RANBP2: variants seen among roughly 807,000 people sequenced by gnomAD.
RANBP2 encodes the protein E3 SUMO-protein ligase RanBP2.
RANBP2 carries 57 observed loss-of-function variants against 303.6 expected under a neutral mutation model. The ratio of observed to expected loss-of-function variants is 0.19; its 90% CI spans 0.15 to 0.23. The LOEUF (loss-of-function observed/expected upper bound fraction) is 0.23. Among genes scored for constraint, RANBP2 ranks in the 10% least tolerant of loss-of-function variants. The probability of loss-of-function intolerance (pLI) is 1.00; values close to 1 mark genes in which losing one functional copy is unlikely to be tolerated. For missense variants in RANBP2, 3,138 were observed against 3,780.8 expected, an observed-to-expected ratio of 0.83 and a Z score of 4.46; for synonymous variants, 1,167 against 1,301.5, an observed-to-expected ratio of 0.90 and a Z score of 2.23.
chr2:109,034,361 G>A, the RANBP2 span, among the ~76,000 whole-genome samples: 1 of 152,024 alleles, frequency 6.6e-6, no homozygotes. Flanking sequence ...CTATTTATGG[G>A]ACTATTGGGT....
At chr2:109,372,795 G>T in the RANBP2 span, among the ~76,000 whole-genome samples, 8 of 152,134 alleles carry the variant, frequency 5.3e-5, no homozygotes, top group Middle Eastern at 3.2e-3. Context: ...TGTCCCCCCT[G>T]CCTGACACAC....
the RANBP2 span, chr2:109,585,430 G>T: frequency 1.1e-6 from 1 of 934,672 alleles, no homozygotes; most frequent in Non-Finnish European, 1.6e-6. Flanking sequence ...AAAGGCCAGG[G>T]TGCGCATGAA....
At chr2:109,475,947 A>T in the RANBP2 span, among the ~76,000 whole-genome samples, 2 of 152,030 alleles carry the variant, frequency 1.3e-5, no homozygotes, top group Non-Finnish European at 2.9e-5. Flanking sequence ...CCAACCAAAA[A>T]CTTCCTGTGG....
chr2:108,947,603 C>T, the RANBP2 span, among the ~76,000 whole-genome samples: 1 of 152,224 alleles, frequency 6.6e-6, no homozygotes, highest in African/African-American at 2.4e-5. Context: ...AGTCCCAACA[C>T]CAAGTGGAAG....
rs542953538 is a variant in RANBP2 at position 108,765,195 on chromosome 2, C to T, written c.4656C>T (p.Cys1552=). Residue 1552 remains cysteine, a synonymous_variant, in exon 20 of 29, where the codon TGC becomes TGT. Coordinates refer to ENST00000283195, the MANE Select transcript of RANBP2 (RefSeq NM_006267.5). ...AAGGACAGTGGGATTGCAGTTCATGCTTAGTGCGAAATGAAGCAAATGCTA... is the reference window on the plus strand; with the variant it reads ...AAGGACAGTGGGATTGCAGTTCATGTTTAGTGCGAAATGAAGCAAATGCTA... ...KKEGQWDCSS[C]LVRNEANATR... 4.3e-6 allele frequency: 7 copies of T among 1,614,138 alleles called. No homozygotes were observed. In the South Asian group the frequency reaches 7.7e-5, roughly 18 times the overall value.
chr2:109,051,351 C>T, the RANBP2 span, among the ~76,000 whole-genome samples: 1 of 152,136 alleles, frequency 6.6e-6, no homozygotes, highest in Non-Finnish European at 1.5e-5. Flanking sequence ...TGAAGTTTCA[C>T]CCCCTGCCCC....
the RANBP2 span, among the ~76,000 whole-genome samples, chr2:109,733,972 A>G: frequency 6.6e-6 from 1 of 152,010 alleles, no homozygotes; most frequent in South Asian, 2.1e-4. Context: ...TGAGGTCAGG[A>G]GTTCAAGACC....
the RANBP2 span, among the ~76,000 whole-genome samples, chr2:109,540,950 T>C: frequency 1.3e-5 from 2 of 152,248 alleles, no homozygotes; most frequent in Non-Finnish European, 2.9e-5. Flanking sequence ...AGGAAACTTA[T>C]CTAAAAAAAT....
the RANBP2 span, among the ~76,000 whole-genome samples, chr2:109,103,372 T>C: frequency 1.3e-5 from 2 of 152,212 alleles, no homozygotes; most frequent in African/African-American, 4.8e-5. Flanking sequence ...ATTGATGCCT[T>C]ATGTCTCCCT....
chr2:109,469,818 G>A, the RANBP2 span, among the ~76,000 whole-genome samples: 1 of 152,184 alleles, frequency 6.6e-6, no homozygotes, highest in Non-Finnish European at 1.5e-5. Flanking sequence ...AGGTAGATCC[G>A]AATTTTTCCA....
chr2:109,607,894 A>G, the RANBP2 span, among the ~76,000 whole-genome samples: 1 of 152,178 alleles, frequency 6.6e-6, no homozygotes, highest in African/African-American at 2.4e-5. Context: ...CTTTTATAAG[A>G]CGACAAAAGG....
the RANBP2 span, among the ~76,000 whole-genome samples, chr2:109,269,603 A>G: frequency 6.6e-6 from 1 of 152,182 alleles, no homozygotes; most frequent in African/African-American, 2.4e-5. Flanking sequence ...CAACACGGTG[A>G]AACCCCATCT....
the RANBP2 span, among the ~76,000 whole-genome samples, chr2:109,282,988 G>T: frequency 6.6e-6 from 1 of 152,206 alleles, no homozygotes; most frequent in African/African-American, 2.4e-5. Context: ...TCCCTCACGT[G>T]GAGGAAGGGG....
chr2:109,416,235 C>T, the RANBP2 span, among the ~76,000 whole-genome samples: 1 of 152,142 alleles, frequency 6.6e-6, no homozygotes, highest in Non-Finnish European at 1.5e-5. Flanking sequence ...CACGCCCAGC[C>T]CAGGTTGGGT....
chr2:108,942,381 G>T, the RANBP2 span, among the ~76,000 whole-genome samples: 1 of 152,226 alleles, frequency 6.6e-6, no homozygotes, highest in Non-Finnish European at 1.5e-5. Context: ...GCTGGCGATG[G>T]CTGGGGCTGA....
the RANBP2 span, among the ~76,000 whole-genome samples, chr2:109,765,871 T>C: frequency 6.6e-6 from 1 of 150,660 alleles, no homozygotes; most frequent in Non-Finnish European, 1.5e-5. Flanking sequence ...CTTTTTAGAC[T>C]TTACTTCATG....
the RANBP2 span, among the ~76,000 whole-genome samples, chr2:108,834,981 A>G: frequency 2.6e-5 from 4 of 152,238 alleles, no homozygotes; most frequent in Admixed American, 2.0e-4. Context: ...CAGCTCTTCA[A>G]TTGAAGTCAA....
chr2:109,267,215 C>G, the RANBP2 span, among the ~76,000 whole-genome samples: 2 of 152,204 alleles, frequency 1.3e-5, no homozygotes, highest in South Asian at 4.2e-4. Context: ...TAGGAATCTC[C>G]CTTCCTCTGA....
the RANBP2 span, among the ~76,000 whole-genome samples, chr2:109,608,597 C>T: frequency 5.3e-5 from 8 of 152,166 alleles, no homozygotes; most frequent in Non-Finnish European, 1.5e-5. Context: ...ACCAGGTAGC[C>T]TATTTACTAA....
Sources: allele counts gnomAD v4.1 joint callset (sites outside exome capture counted in the v4.1 genomes callset), GRCh38; gene constraint gnomAD v4.1.1; transcripts MANE v1.5; gene names NCBI Gene and HGNC (gene_info 2026-07-23, HGNC 2026-07-21).